The following VPS8 variants were observed in gnomAD, a reference collection of about 807,000 sequenced individuals.
VPS8 encodes the protein vacuolar protein sorting-associated protein 8 homolog.
Under a neutral mutation model 216.4 loss-of-function variants are expected in VPS8, and 129 were observed. The observed-to-expected ratio is 0.60, with a 90% CI of 0.52 to 0.69. The LOEUF (loss-of-function observed/expected upper bound fraction) is 0.69, where lower values mean the gene tolerates loss of function less well. Ranked by LOEUF, VPS8 falls within the 30% of genes least tolerant of loss-of-function variation. VPS8 has a pLI of 0.00. For synonymous variants in VPS8, 571 were observed against 565.4 expected, an observed-to-expected ratio of 1.01 and a Z score of -0.14; for missense variants, 1,531 against 1,683.5, an observed-to-expected ratio of 0.91 and a Z score of 1.59.
chr3:185,026,230 C>T (rs1278440878), intron 46 of VPS8, among the ~76,000 whole-genome samples: 1 of 151,890 alleles, frequency 6.6e-6, no homozygotes. Flanking sequence ...AACAGTACAA[C>T]TATTTACATT....
At chr3:184,865,275 C>G (rs766502886) in intron 16 of VPS8, among the ~76,000 whole-genome samples, 3 of 151,788 alleles carry the variant, frequency 2.0e-5, no homozygotes, top group Non-Finnish European at 4.4e-5. Context: ...ACTGTAGACA[C>G]ACACATTTAA....
chr3:184,994,596 A>G (rs1006241857), intron 43 of VPS8, among the ~76,000 whole-genome samples: 3 of 152,254 alleles, frequency 2.0e-5, no homozygotes, highest in Non-Finnish European at 4.4e-5. Flanking sequence ...TTCATTGGCA[A>G]TGAAACAAAT....
intron 25 of VPS8, among the ~76,000 whole-genome samples, chr3:184,908,320 C>G (rs1735857844): frequency 6.6e-6 from 1 of 152,222 alleles, no homozygotes; most frequent in African/African-American, 2.4e-5. Flanking sequence ...GGACTTGCAG[C>G]AGGGGCACCC....
chr3:184,913,868 T>C (rs1737026433), intron 26 of VPS8, among the ~76,000 whole-genome samples: 1 of 152,188 alleles, frequency 6.6e-6, no homozygotes. Context: ...CAAAGAATTA[T>C]CTGGCCCGAA....
In VPS8 at chr3:184,894,527, TATATAC is replaced by T. The variant is rs200043621; in HGVS notation, c.1782-174_1782-169del. Reference sequence around the variant, plus strand: ...ACACACGTATATATATATATATATATATATACACACACACACAAAGTTTTTGCAGTA... The same window carrying T: ...ACACACGTATATATATATATATATATACACACACACAAAGTTTTTGCAGTA... On this transcript the variant is annotated intron_variant, in intron 22 of 47. Transcript: ENST00000625842. 8.8e-3 allele frequency among the ~76,000 whole-genome samples: 1,228 copies of T among 139,166 alleles called. 26 individuals carry two copies. The highest frequency in any genetic ancestry group is 0.03 in the African/African-American group (1,118 of 37,564). The allele number at this position is 139,166 out of a possible 152,430, so 91.3% of individuals were successfully genotyped here. A position where few individuals can be genotyped will look rare whatever the true frequency, so the allele number is the denominator to read the frequency against.
chr3:185,030,376 G>A (rs1329779619), intron 46 of VPS8, among the ~76,000 whole-genome samples: 1 of 152,170 alleles, frequency 6.6e-6, no homozygotes, highest in Non-Finnish European at 1.5e-5. Flanking sequence ...GCAACCCCTG[G>A]TTTTAGATCC....
intron 2 of VPS8, among the ~76,000 whole-genome samples, chr3:184,825,421 G>A (rs1480776088): frequency 6.6e-6 from 1 of 152,034 alleles, no homozygotes; most frequent in African/African-American, 2.4e-5. Flanking sequence ...CTATGAGTAT[G>A]AGAATAACAG....
chr3:184,864,563 C>T (rs931969046), intron 16 of VPS8, among the ~76,000 whole-genome samples: 11 of 152,164 alleles, frequency 7.2e-5, no homozygotes, highest in South Asian at 4.1e-4. Context: ...GAAAACAGTG[C>T]TTGTTACACC....
At chr3:184,848,862 C>G (rs1011286191) in intron 8 of VPS8, among the ~76,000 whole-genome samples, 7 of 152,080 alleles carry the variant, frequency 4.6e-5, no homozygotes, top group Admixed American at 4.6e-4. Context: ...AGCCACCGCA[C>G]CCGGCCTTTT....
intron 46 of VPS8, among the ~76,000 whole-genome samples, chr3:185,045,109 G>C (rs1338349003): frequency 1.9e-5 from 1 of 52,090 alleles, no homozygotes; most frequent in Non-Finnish European, 3.7e-5. Flanking sequence ...CAGGCAGGGA[G>C]AAAAGGTGGA....
chr3:184,885,372 A>G (rs78013612), intron 21 of VPS8, among the ~76,000 whole-genome samples: 2,207 of 152,358 alleles, frequency 0.014, 47 homozygotes, highest in African/African-American at 0.045. Context: ...TCCAGTCATA[A>G]TAAGCTACTG....
chr3:184,814,696 G>A (rs933254140), intron 1 of VPS8, among the ~76,000 whole-genome samples: 3 of 152,192 alleles, frequency 2.0e-5, no homozygotes, highest in African/African-American at 7.2e-5. Flanking sequence ...GTTGCTGTGG[G>A]TGAGGCAGTG....
At chr3:184,904,688 G>A (rs1735163316) in intron 25 of VPS8, among the ~76,000 whole-genome samples, 2 of 152,098 alleles carry the variant, frequency 1.3e-5, no homozygotes, top group African/African-American at 4.8e-5. Context: ...TACCAGTCTT[G>A]TTATGAGTGT....
chr3:184,908,585 C>T (rs185233125), intron 25 of VPS8, among the ~76,000 whole-genome samples: 55 of 152,352 alleles, frequency 3.6e-4, no homozygotes, highest in African/African-American at 1.2e-3. Flanking sequence ...GTTAGCAGCT[C>T]GGTCGGCCTC....
At chr3:184,846,449 A>G (rs549283083) in intron 8 of VPS8, among the ~76,000 whole-genome samples, 67 of 152,192 alleles carry the variant, frequency 4.4e-4, no homozygotes, top group African/African-American at 1.6e-3. Flanking sequence ...TTTCCTCTTC[A>G]TGGCACCCTT....
At chr3:184,854,265 G>C (rs1304700155) in intron 13 of VPS8, 92 bp downstream of exon 13, 1 of 1,386,624 alleles carries the variant, frequency 7.2e-7, no homozygotes, top group East Asian at 2.3e-5. Context: ...CTATGAGATT[G>C]TCAGAAAACT....
intron 3 of VPS8, among the ~76,000 whole-genome samples, chr3:184,831,052 C>T (rs150875283): frequency 2.2e-3 from 338 of 152,172 alleles, no homozygotes; most frequent in Non-Finnish European, 3.4e-3. Context: ...GGGGGACAAT[C>T]GTATTTAAAG....
rs1560394350 is a variant in VPS8, at chr3:184,853,962, T to A, written c.927T>A (p.Asp309Glu). The A allele has an allele frequency of 6.2e-7, 1 of 1,613,700 alleles. No homozygotes were observed. Among genetic ancestry groups the A allele is most frequent in the East Asian group, 2.2e-5 (1 of 44,866 alleles). The change falls in exon 12 of 48, where the codon GAT becomes GAA. Residue 309 changes from aspartate (D) to glutamate (E), a missense_variant. Physicochemically the swap from Asp to Glu is conservative, Grantham distance 45 (BLOSUM62 2). Around this residue, in one of 3 missense-constraint regions of VPS8, gnomAD observed 1,318 missense variants for 1,468.4 expected, o/e 0.90. Coordinates refer to ENST00000625842, the MANE Select transcript of VPS8 (RefSeq NM_001009921.3). The stretch of plus-strand genomic sequence containing the variant: ...TGCATTCTAAGCCTGAGTTGAAAGA[T>A]CATCCCATCACACAGTTTTCATTAT... ...EPLHSKPELK[D>E]HPITQFSLLA...
At chr3:185,046,033 A>G (rs1472074679) in intron 46 of VPS8, among the ~76,000 whole-genome samples, 3 of 152,190 alleles carry the variant, frequency 2.0e-5, no homozygotes, top group Non-Finnish European at 4.4e-5. Flanking sequence ...CGTATTCACT[A>G]CAGTTTAATT....
Sources: allele counts gnomAD v4.1 joint callset (sites outside exome capture counted in the v4.1 genomes callset), GRCh38; gene constraint gnomAD v4.1.1; regional missense constraint gnomAD v4.1.1; transcripts MANE v1.5; gene names NCBI Gene and HGNC (gene_info 2026-07-23, HGNC 2026-07-21).